TLK1: variants seen among roughly 807,000 people sequenced by gnomAD.
TLK1 encodes the protein serine/threonine-protein kinase tousled-like 1.
Under a neutral mutation model 105.3 loss-of-function variants are expected in TLK1, and 24 were observed. The ratio of observed to expected loss-of-function variants is 0.23; its 90% CI spans 0.17 to 0.32. The LOEUF is 0.32. Ranked by LOEUF, TLK1 falls within the 10% of genes least tolerant of loss-of-function variation. TLK1 has a pLI of 1.00. For synonymous variants in TLK1, 321 were observed against 310.4 expected, an observed-to-expected ratio of 1.03 and a Z score of -0.36; for missense variants, 558 against 910.5, an observed-to-expected ratio of 0.61 and a Z score of 4.98.
At chr2:171,164,497 A>C (rs1692572232), upstream of TLK1, among the ~76,000 whole-genome samples, 1 of 152,126 alleles carries the variant, frequency 6.6e-6, no homozygotes, top group Admixed American at 6.5e-5. Context: ...CTTAAAAAGA[A>C]AAAAAACTGG....
chr2:171,196,153 G>A (rs1171772071), intron 1 of TLK1, among the ~76,000 whole-genome samples: 1 of 147,260 alleles, frequency 6.8e-6, no homozygotes, highest in Non-Finnish European at 1.5e-5. Context: ...GTCTCACTCT[G>A]CCTACCAGGC....
At chr2:171,002,139 C>T (rs1252844145) in intron 18 of TLK1, among the ~76,000 whole-genome samples, 3 of 152,146 alleles carry the variant, frequency 2.0e-5, no homozygotes, top group Admixed American at 6.5e-5. Context: ...CTCCTGTTAT[C>T]TTGACATTTT....
In TLK1 at chr2:171,004,923, C is replaced by T. The variant is rs1054008387; in HGVS notation, c.1904+1224G>A. Among the ~76,000 whole-genome samples, 4 of 152,160 alleles carry T rather than the reference C, an allele frequency of 2.6e-5. 1 individual carries two copies. The highest frequency in any genetic ancestry group is 4.1e-4 in the South Asian group (2 of 4,830). On this transcript the variant is annotated intron_variant, in intron 18 of 20. Coordinates refer to ENST00000431350, the MANE Select transcript of TLK1 (RefSeq NM_012290.5). ...ATCTTATCCATGTTCCTAGGAAATG[C>T]CACAAGCCAAATTTAAAATTTGAAA...
chr2:171,093,335 C>T (rs1689317657), intron 2 of TLK1, among the ~76,000 whole-genome samples: 1 of 152,036 alleles, frequency 6.6e-6, no homozygotes, highest in African/African-American at 2.4e-5. Flanking sequence ...AGGAGGTCCA[C>T]CAGATTTGGA....
chr2:171,077,099 G>C (rs1366579302), intron 3 of TLK1, among the ~76,000 whole-genome samples: 1 of 152,026 alleles, frequency 6.6e-6, no homozygotes, highest in African/African-American at 2.4e-5. Context: ...TCTCTTCTCT[G>C]GTCCTCTGAT....
At chr2:171,037,625 T>G (rs1299567997) in intron 11 of TLK1, among the ~76,000 whole-genome samples, 1 of 152,158 alleles carries the variant, frequency 6.6e-6, no homozygotes, top group Non-Finnish European at 1.5e-5. Flanking sequence ...TCTATTAAGA[T>G]AGTCATATGA....
At chr2:171,004,537 T>C (rs1575504324) in intron 18 of TLK1, among the ~76,000 whole-genome samples, 1 of 152,224 alleles carries the variant, frequency 6.6e-6, no homozygotes. Flanking sequence ...CTCCTTCCAG[T>C]ACAGCCCCTG....
chr2:171,220,364 C>T (rs1693786935), intron 1 of TLK1, among the ~76,000 whole-genome samples: 3 of 152,100 alleles, frequency 2.0e-5, no homozygotes, highest in Admixed American at 1.3e-4. Flanking sequence ...GAAGTCAGCT[C>T]CCACAAGGAA....
chr2:171,016,194 C>A (rs762507098), intron 12 of TLK1, among the ~76,000 whole-genome samples: 1 of 152,110 alleles, frequency 6.6e-6, no homozygotes, highest in African/African-American at 2.4e-5. Flanking sequence ...CAGGCTGGAG[C>A]GCAGTGGCAT....
rs371321077 is a variant in TLK1 at position 171,160,367 on chromosome 2, G to A, written c.62C>T (p.Thr21Met). ...EGPPSWSQLS[T>M]SPTPGSAAAA... ...CGCCGCCGAGCCCGGGGTTGGAGACGTGGAGAGCTGGGACCAAGATGGCGG... is the reference window on the plus strand; with the variant it reads ...CGCCGCCGAGCCCGGGGTTGGAGACATGGAGAGCTGGGACCAAGATGGCGG... The change falls in exon 1 of 21, where the codon ACG (threonine) becomes ATG (methionine). Residue 21 changes from threonine (T) to methionine (M), a missense_variant. Physicochemically the swap from Thr to Met is moderately conservative, Grantham distance 81. Transcript: ENST00000431350. The surrounding 1 kb of genome is among the most constrained non-coding windows in gnomAD (Gnocchi z 4.4). 6.2e-7 allele frequency: 1 copy of A among 1,605,900 alleles called. No individual in the cohort carries two copies. The highest frequency in any genetic ancestry group is 1.1e-5 in the South Asian group (1 of 90,132).
intron 1 of TLK1, 138 bp from the exon 2 acceptor site, chr2:171,117,995 A>T (rs1690505986): frequency 5.9e-6 from 3 of 512,348 alleles, no homozygotes; most frequent in South Asian, 4.6e-5. Flanking sequence ...AAATTGAGAG[A>T]CTTTATTTTT....
intron 10 of TLK1, among the ~76,000 whole-genome samples, chr2:171,048,285 A>G (rs1286848334): frequency 6.6e-6 from 1 of 152,230 alleles, no homozygotes; most frequent in East Asian, 1.9e-4. Context: ...AATTGGAACT[A>G]CTAGTAGAAT....
At chr2:171,095,550 A>C (rs1208363335) in intron 2 of TLK1, among the ~76,000 whole-genome samples, 1 of 152,190 alleles carries the variant, frequency 6.6e-6, no homozygotes, top group Non-Finnish European at 1.5e-5. Flanking sequence ...ACAAGCTACC[A>C]AAAATGATTC....
intron 11 of TLK1, among the ~76,000 whole-genome samples, chr2:171,033,643 C>T (rs1686160476): frequency 1.3e-5 from 2 of 151,012 alleles, no homozygotes; most frequent in Admixed American, 1.3e-4. Context: ...GATTATTACA[C>T]ATTGTATGCC....
At chr2:171,219,676 C>T (rs1476164967) in intron 1 of TLK1, among the ~76,000 whole-genome samples, 1 of 151,806 alleles carries the variant, frequency 6.6e-6, no homozygotes, top group Admixed American at 6.6e-5. Context: ...TCTTGGCTTC[C>T]TGCAACCTCC....
chr2:171,217,387 C>T (rs940983073), intron 1 of TLK1, among the ~76,000 whole-genome samples: 1 of 152,200 alleles, frequency 6.6e-6, no homozygotes, highest in Non-Finnish European at 1.5e-5. Context: ...GCATCCCTAA[C>T]ATAAGGAAAA....
chr2:171,015,702 T>TACACAC (rs1007413316), intron 12 of TLK1, among the ~76,000 whole-genome samples: 2 of 5,834 alleles, frequency 3.4e-4, no homozygotes, highest in African/African-American at 5.0e-4. Context: ...CACACACATA[T>TACACAC]ACACACACAC....
At chr2:171,022,090 C>CACACACACACAG (rs751454409) in intron 12 of TLK1, among the ~76,000 whole-genome samples, 6,071 of 145,282 alleles carry the variant, frequency 0.042, 172 homozygotes, top group African/African-American at 0.047. Context: ...GCGAAAAACA[C>CACACACACACAG]ACACACACAC....
chr2:171,088,590 A>G (rs1689083427), intron 2 of TLK1, among the ~76,000 whole-genome samples: 1 of 152,212 alleles, frequency 6.6e-6, no homozygotes, highest in East Asian at 1.9e-4. Flanking sequence ...ACAAGCTCCT[A>G]AATAAAAGCT....
Sources: allele counts gnomAD v4.1 joint callset (sites outside exome capture counted in the v4.1 genomes callset), GRCh38; gene constraint gnomAD v4.1.1; non-coding constraint Gnocchi (gnomAD v3.1); transcripts MANE v1.5; gene names NCBI Gene and HGNC (gene_info 2026-07-23, HGNC 2026-07-21).